CHD2: variants seen among roughly 807,000 people sequenced by gnomAD.
CHD2 encodes the protein chromodomain helicase DNA binding protein 2.
A neutral mutation model predicts 243.9 loss-of-function variants in CHD2; 28 were observed. The ratio of observed to expected loss-of-function variants is 0.11; its 90% CI spans 0.09 to 0.16. The LOEUF (loss-of-function observed/expected upper bound fraction) is 0.16, where lower values mean the gene tolerates loss of function less well. Ranked by LOEUF, CHD2 falls within the 10% of genes least tolerant of loss-of-function variation. The probability of loss-of-function intolerance (pLI) is 1.00; values close to 1 mark genes in which losing one functional copy is unlikely to be tolerated. For missense variants in CHD2, 1,386 were observed against 2,209.8 expected (o/e 0.63, Z 7.47); for synonymous variants, 775 against 779.0 (o/e 0.99, Z 0.09).
chr15:92,974,323 A>G (rs1484835548), intron 19 of CHD2, among the ~76,000 whole-genome samples: 2 of 152,168 alleles, frequency 1.3e-5, no homozygotes, highest in Non-Finnish European at 2.9e-5. Context: ...ACACTTTACT[A>G]TGATTTCAGA....
At chr15:93,022,935 G>C (rs1273737148) in intron 38 of CHD2, among the ~76,000 whole-genome samples, 1 of 152,210 alleles carries the variant, frequency 6.6e-6, no homozygotes, top group African/African-American at 2.4e-5. Flanking sequence ...CCTTTTGGCT[G>C]TTTCAGGCAG....
intron 26 of CHD2, among the ~76,000 whole-genome samples, chr15:92,989,850 A>G (rs2051101055): frequency 6.6e-6 from 1 of 152,238 alleles, no homozygotes; most frequent in Admixed American, 6.5e-5. Flanking sequence ...CAAGAAGCCA[A>G]AGCGCAGAGG....
Position 93,024,759 on chromosome 15 carries a change from G to C in CHD2, c.*54G>C. On this transcript the variant is annotated 3_prime_UTR_variant, in exon 39 of 39. Transcript: ENST00000394196. ...GTCACCAAACACGTGGATATTTTTG[G>C]TCTGATCCTACAGTAGCCGGTTATC... 1 of 1,489,552 alleles carries C rather than the reference G, an allele frequency of 6.7e-7. No individual in the cohort carries two copies. The highest frequency in any genetic ancestry group is 9.1e-7 in the Non-Finnish European group (1 of 1,096,898). The allele number at this position is 1,489,552 out of a possible 1,614,324, so 92.3% of individuals were successfully genotyped here.
chr15:92,960,532 A>G (rs1310636223), intron 16 of CHD2, among the ~76,000 whole-genome samples: 3 of 152,070 alleles, frequency 2.0e-5, no homozygotes, highest in Admixed American at 6.5e-5. Flanking sequence ...TGAGATGACC[A>G]TGTGGTTTTG....
intron 2 of CHD2, among the ~76,000 whole-genome samples, chr15:92,903,107 A>T (rs931891465): frequency 6.6e-6 from 1 of 152,212 alleles, no homozygotes. Flanking sequence ...TGAAAAGAAG[A>T]TAGTTACTTT....
Position 92,971,887 on chromosome 15 carries a change from C to A in CHD2, c.2312C>A (p.Pro771His). Residue 771 changes from proline to histidine, a missense_variant, in exon 18 of 39, where the codon CCT becomes CAT. Pro to His is a moderately conservative substitution (Grantham distance 77, BLOSUM62 -2). Around this residue, in one of 19 missense-constraint regions of CHD2, gnomAD observed 118 missense variants for 266.3 expected, o/e 0.44. Transcript: ENST00000394196. ...CCNHCYLIKP[P>H]EENERENGQE... ...AACCACTGCTATCTGATTAAACCCCCTGAAGAAAATGAAAGGGAAAATGGA... is the reference window on the plus strand; with the variant it reads ...AACCACTGCTATCTGATTAAACCCCATGAAGAAAATGAAAGGGAAAATGGA... 1 of 1,612,746 alleles carries A rather than the reference C, an allele frequency of 6.2e-7. No individual in the cohort carries two copies. The highest frequency in any genetic ancestry group is 8.5e-7 in the Non-Finnish European group (1 of 1,179,536).
intron 19 of CHD2, among the ~76,000 whole-genome samples, chr15:92,974,245 T>A (rs1485060485): frequency 6.6e-6 from 1 of 152,216 alleles, no homozygotes; most frequent in African/African-American, 2.4e-5. Flanking sequence ...TATGTTCTAA[T>A]AAAGGAATTG....
chr15:92,989,321 C>T lies in CHD2; in HGVS notation c.3414-2155C>T, dbSNP rs555894971. ...TGCTCGGATTACAGGCGTGAGCCAC[C>T]ATGCCCAGCTTACTTTTTGGTTTTC... On this transcript the variant is annotated intron_variant, in intron 26 of 38. Coordinates refer to ENST00000394196, the MANE Select transcript of CHD2 (RefSeq NM_001271.4). 2.8e-3 allele frequency among the ~76,000 whole-genome samples: 422 copies of T among 152,256 alleles called. 1 individual carries two copies. The highest frequency in any genetic ancestry group is 8.5e-3 in the African/African-American group (355 of 41,550).
chr15:92,955,352 A>C (rs1261852954), intron 14 of CHD2, 71 bp from the exon 15 acceptor site: 2 of 846,320 alleles, frequency 2.4e-6, no homozygotes, highest in Admixed American at 3.5e-5. Context: ...CTATTACATC[A>C]ATCACAAAAC....
chr15:92,990,938 T>C (rs914011446), intron 26 of CHD2, among the ~76,000 whole-genome samples: 2 of 152,174 alleles, frequency 1.3e-5, no homozygotes, highest in African/African-American at 4.8e-5. Flanking sequence ...GTTTCCAAAA[T>C]TGTTTGCCTA....
intron 20 of CHD2, among the ~76,000 whole-genome samples, chr15:92,976,246 G>A (rs916668844): frequency 8.6e-5 from 13 of 151,960 alleles, no homozygotes; most frequent in Non-Finnish European, 1.3e-4. Context: ...CACTATGATG[G>A]CTATATAGAA....
intron 14 of CHD2, chr15:92,954,074 T>G (rs908462139): frequency 2.0e-5 from 3 of 153,422 alleles, no homozygotes; most frequent in African/African-American, 7.2e-5. Flanking sequence ...TTACCAAACT[T>G]TATTTGGGCA....
At chr15:92,918,057 G>A (rs902445564) in intron 2 of CHD2, among the ~76,000 whole-genome samples, 2 of 152,192 alleles carry the variant, frequency 1.3e-5, no homozygotes, top group African/African-American at 4.8e-5. Context: ...AAGTGAAATG[G>A]CGGCTTTTGG....
At chr15:92,962,705 C>CA (rs1402681019) in intron 16 of CHD2, among the ~76,000 whole-genome samples, 1 of 152,046 alleles carries the variant, frequency 6.6e-6, no homozygotes, top group Non-Finnish European at 1.5e-5. Context: ...TTCTAACTGC[C>CA]AGTTTAGTTG....
At position 92,992,874 on chromosome 15, in the gene CHD2, A is replaced by T. The variant is rs2054139053; in HGVS notation, c.3471A>T (p.Ala1157=). The T allele has an allele frequency of 1.2e-6, 2 of 1,613,700 alleles. No homozygotes were observed. Among genetic ancestry groups the T allele is most frequent in the Non-Finnish European group, 8.5e-7 (1 of 1,180,014 alleles). The change falls in exon 28 of 39, where the codon GCA becomes GCT. Residue 1157 remains alanine, a synonymous_variant. Coordinates refer to ENST00000394196, the MANE Select transcript of CHD2 (RefSeq NM_001271.4). ...TCCTCCTCAGGCTGGAGTGCATAGC[A>T]CGTGATGCTGAGCTGGTAGATAAGT... is the stretch of plus-strand genomic sequence containing the variant. The part of the protein sequence containing the change: ...GLPLERLECI[A]RDAELVDKSV...
chr15:92,932,455 C>T (rs1596386048), intron 5 of CHD2, among the ~76,000 whole-genome samples: 2 of 101,602 alleles, frequency 2.0e-5, no homozygotes, highest in East Asian at 3.3e-4. Context: ...CCCCCCACCC[C>T]ATGACAGGCC....
chr15:92,981,316 C>G (rs752014895), intron 23 of CHD2, 49 bp from the exon 24 acceptor site: 1 of 1,366,476 alleles, frequency 7.3e-7, no homozygotes, highest in South Asian at 1.2e-5. Flanking sequence ...AACTAGGCAA[C>G]TCATCTGTTG....
intron 6 of CHD2, among the ~76,000 whole-genome samples, chr15:92,938,205 A>G (rs2053297468): frequency 6.6e-6 from 1 of 152,168 alleles, no homozygotes; most frequent in Non-Finnish European, 1.5e-5. Flanking sequence ...ATGGCCTGTG[A>G]GCTAAGAATA....
chr15:92,991,468 A>G lies in CHD2; in HGVS notation c.3414-8A>G. 1.3e-6 allele frequency: 2 copies of G among 1,599,456 alleles called. No individual in the cohort carries two copies. The highest frequency in any genetic ancestry group is 1.7e-6 in the Non-Finnish European group (2 of 1,169,244). On this transcript the variant is annotated splice_polypyrimidine_tract_variant and splice_region_variant and intron_variant, in intron 26 of 38. Coordinates refer to ENST00000394196, the MANE Select transcript of CHD2 (RefSeq NM_001271.4). ...TTTTTTAATATGTTTTATTGATCCT[A>G]TTCTTAGGTTCATCAAGGCTTATAA...
Sources: gnomAD v4.1 joint callset for allele counts (sites outside exome capture counted in the v4.1 genomes callset) on GRCh38, gnomAD v4.1.1 for gene constraint, gnomAD v4.1.1 regional missense constraint, MANE v1.5 for transcripts, NCBI Gene and HGNC (gene_info 2026-07-23, HGNC 2026-07-21) for gene names.